ARFIP1: variants seen among roughly 807,000 people sequenced by gnomAD.
ARFIP1 encodes arfaptin-1.
ARFIP1 carries 24 observed loss-of-function variants against 42.5 expected under a neutral mutation model. That is an observed-to-expected ratio of 0.57 (90% CI 0.41 to 0.80). The LOEUF is 0.80. Ranked by LOEUF, ARFIP1 falls within the 30% of genes least tolerant of loss-of-function variation. The pLI is 0.00. For synonymous variants in ARFIP1, 141 were observed against 153.7 expected (o/e 0.92, Z 0.61); for missense variants, 354 against 434.0 (o/e 0.82, Z 1.64).
chr4:152,866,526 G>T (rs1734367252), intron 3 of ARFIP1, among the ~76,000 whole-genome samples: 2 of 104,688 alleles, frequency 1.9e-5, no homozygotes. Flanking sequence ...CCCGGACGGG[G>T]CGGCTGGCCG....
chr4:152,785,505 A>G (rs1332751433), intron 1 of ARFIP1, among the ~76,000 whole-genome samples: 1 of 152,172 alleles, frequency 6.6e-6, no homozygotes, highest in Non-Finnish European at 1.5e-5. Flanking sequence ...AGTGCTATAT[A>G]TTGCCCAGGG....
At chr4:152,793,456 A>G (rs554147159) in intron 1 of ARFIP1, among the ~76,000 whole-genome samples, 191 of 151,878 alleles carry the variant, frequency 1.3e-3, no homozygotes, top group Non-Finnish European at 1.8e-3. Context: ...AATGATGTAC[A>G]GTGGTCTTCC....
intron 1 of ARFIP1, among the ~76,000 whole-genome samples, chr4:152,822,631 C>A (rs1329801063): frequency 3.3e-5 from 5 of 152,170 alleles, no homozygotes; most frequent in African/African-American, 7.2e-5. Context: ...TCAGCACACA[C>A]AACATTCTCC....
At chr4:152,787,825 CA>C (rs1280779629) in intron 1 of ARFIP1, among the ~76,000 whole-genome samples, 1 of 151,954 alleles carries the variant, frequency 6.6e-6, no homozygotes, top group South Asian at 2.1e-4. Context: ...TTCCAAATGC[CA>C]AAAAAATCTG....
intron 3 of ARFIP1, among the ~76,000 whole-genome samples, chr4:152,864,798 C>T (rs1180517143): frequency 6.6e-6 from 1 of 152,070 alleles, no homozygotes; most frequent in Non-Finnish European, 1.5e-5. Flanking sequence ...TTAAGGATAG[C>T]AGTTAGACCT....
At chr4:152,907,013 C>G (rs970074556) in intron 8 of ARFIP1, among the ~76,000 whole-genome samples, 5 of 152,228 alleles carry the variant, frequency 3.3e-5, no homozygotes, top group Admixed American at 3.3e-4. Context: ...ACATACATCT[C>G]ACATTCCACA....
chr4:152,790,780 C>CTGGA (rs1242146530), intron 1 of ARFIP1, among the ~76,000 whole-genome samples: 1 of 134,022 alleles, frequency 7.5e-6, no homozygotes, highest in Admixed American at 8.4e-5. Context: ...GTTGCCCAGG[C>CTGGA]TGGAGTGTAG....
intron 1 of ARFIP1, among the ~76,000 whole-genome samples, chr4:152,805,432 A>G (rs1311991107): frequency 2.0e-5 from 3 of 152,250 alleles, no homozygotes; most frequent in Non-Finnish European, 4.4e-5. Context: ...TGACGGCATC[A>G]TTGCTTAACA....
chr4:152,853,463 T>C (rs1398990542), intron 2 of ARFIP1, among the ~76,000 whole-genome samples: 1 of 152,234 alleles, frequency 6.6e-6, no homozygotes, highest in East Asian at 1.9e-4. Flanking sequence ...GTTTTTTTCT[T>C]TCTATACTTC....
At chr4:152,786,654 A>ATCAC (rs1394859418) in intron 1 of ARFIP1, among the ~76,000 whole-genome samples, 1 of 152,220 alleles carries the variant, frequency 6.6e-6, no homozygotes, top group Non-Finnish European at 1.5e-5. Context: ...ACATTGGATT[A>ATCAC]TCACTCTCCT....
chr4:152,808,308 T>TTTTTTTTTTTTTTTTG (rs1729167257), intron 1 of ARFIP1, among the ~76,000 whole-genome samples: 1 of 126,044 alleles, frequency 7.9e-6, no homozygotes, highest in South Asian at 2.9e-4. Context: ...TTTTTTTTTT[T>TTTTTTTTTTTTTTTTG]TTTTTTTTTG....
chr4:152,818,863 C>G (rs1730125703), intron 1 of ARFIP1, among the ~76,000 whole-genome samples: 1 of 152,168 alleles, frequency 6.6e-6, no homozygotes. Context: ...ACCCCTCCTT[C>G]CCACGCAGAT....
chr4:152,796,827 T>C, intron 1 of ARFIP1: 1 of 594,802 alleles, frequency 1.7e-6, no homozygotes, highest in East Asian at 3.0e-5. Context: ...ATATTCATTC[T>C]GTGGCACAGT....
rs567750481 is a variant in ARFIP1, at chr4:152,859,532, C to T, written c.94-4074C>T. 1.1e-4 allele frequency among the ~76,000 whole-genome samples: 16 copies of T among 152,208 alleles called. No homozygotes were observed. In the East Asian group the frequency reaches 2.9e-3, roughly 28 times the overall value. On this transcript the variant is annotated intron_variant, in intron 2 of 8. Transcript: ENST00000353617. ...TCTTTTGAGGATTTTCACAAGTGTT[C>T]CAATGACTGTTTCAAAGACCAGTTT...
At chr4:152,824,660 A>G (rs541189780) in intron 1 of ARFIP1, among the ~76,000 whole-genome samples, 14 of 152,316 alleles carry the variant, frequency 9.2e-5, no homozygotes, top group African/African-American at 3.4e-4. Context: ...CACTGCTTCT[A>G]TTCAACATAT....
At chr4:152,807,690 TC>T (rs1224020672) in intron 1 of ARFIP1, among the ~76,000 whole-genome samples, 2 of 152,200 alleles carry the variant, frequency 1.3e-5, no homozygotes, top group Non-Finnish European at 2.9e-5. Flanking sequence ...TAACTGATTT[TC>T]TCCTAGTCTG....
At chr4:152,888,000 C>T (rs888744081) in intron 7 of ARFIP1, 133 bp from the exon 8 acceptor site, 2 of 542,960 alleles carry the variant, frequency 3.7e-6, no homozygotes, top group African/African-American at 3.9e-5. Flanking sequence ...TCAAAAGCGT[C>T]AAGTAGAATA....
intron 1 of ARFIP1, among the ~76,000 whole-genome samples, chr4:152,817,224 C>T (rs968700940): frequency 1.1e-4 from 17 of 152,240 alleles, no homozygotes; most frequent in African/African-American, 3.9e-4. Context: ...AGTCCAAATA[C>T]TAGTGTGTGT....
chr4:152,858,427 A>G (rs1038826117), intron 2 of ARFIP1, among the ~76,000 whole-genome samples: 4 of 152,294 alleles, frequency 2.6e-5, no homozygotes, highest in Non-Finnish European at 4.4e-5. Flanking sequence ...TTACTTTGGC[A>G]CCATGTTCAA....
Sources: gnomAD v4.1 joint callset for allele counts (sites outside exome capture counted in the v4.1 genomes callset) on GRCh38, gnomAD v4.1.1 for gene constraint, MANE v1.5 for transcripts, NCBI Gene and HGNC (gene_info 2026-07-23, HGNC 2026-07-21) for gene names.